UNC80: variants seen among roughly 807,000 people sequenced by gnomAD.
UNC80 encodes unc-80 subunit of NALCN channel complex, also known as protein unc-80 homolog.
A neutral mutation model predicts 384.6 loss-of-function variants in UNC80; 164 were observed. The ratio of observed to expected loss-of-function variants is 0.43; its 90% CI spans 0.38 to 0.49. The LOEUF (loss-of-function observed/expected upper bound fraction) is 0.49, where lower values mean the gene tolerates loss of function less well. Ranked by LOEUF, UNC80 falls within the 20% of genes least tolerant of loss-of-function variation. UNC80 has a pLI of 0.00. For missense variants in UNC80, 3,330 were observed against 4,143.0 expected (o/e 0.80, Z 5.39); for synonymous variants, 1,486 against 1,527.8 (o/e 0.97, Z 0.64).
intron 44 of UNC80, 148 bp downstream of exon 44, chr2:209,941,637 T>C: frequency 1.0e-6 from 1 of 995,876 alleles, no homozygotes; most frequent in East Asian, 2.8e-5. Flanking sequence ...AATCCCCCCA[T>C]AAATTTGCAA....
intron 7 of UNC80, among the ~76,000 whole-genome samples, chr2:209,797,857 T>TG (rs1440800326): frequency 6.6e-6 from 1 of 152,234 alleles, no homozygotes; most frequent in African/African-American, 2.4e-5. Flanking sequence ...CCATTCTGAC[T>TG]GGCATGAGAT....
chr2:209,844,323 A>G (rs1231021987), intron 21 of UNC80, among the ~76,000 whole-genome samples: 2 of 152,132 alleles, frequency 1.3e-5, no homozygotes, highest in African/African-American at 2.4e-5. Context: ...AAACTCAAAG[A>G]ATGTAGGGTC....
intron 13 of UNC80, among the ~76,000 whole-genome samples, chr2:209,824,825 C>T (rs776824451): frequency 1.3e-4 from 20 of 152,148 alleles, no homozygotes; most frequent in Non-Finnish European, 1.9e-4. Flanking sequence ...CCATACCATG[C>T]GCACATTTGA....
intron 7 of UNC80, among the ~76,000 whole-genome samples, chr2:209,802,993 A>C (rs1475593925): frequency 6.6e-6 from 1 of 152,166 alleles, no homozygotes; most frequent in Non-Finnish European, 1.5e-5. Flanking sequence ...AAGCTACCTC[A>C]AAATATGGTA....
intron 20 of UNC80, among the ~76,000 whole-genome samples, chr2:209,840,994 T>C (rs1161596432): frequency 6.6e-6 from 1 of 152,210 alleles, no homozygotes; most frequent in Non-Finnish European, 1.5e-5. Context: ...AATTTTACAG[T>C]GATCCCTTTT....
intron 51 of UNC80, among the ~76,000 whole-genome samples, chr2:209,963,852 T>A (rs2092669344): frequency 6.6e-6 from 1 of 152,234 alleles, no homozygotes; most frequent in Non-Finnish European, 1.5e-5. Flanking sequence ...ATTGGATTTA[T>A]GCTTTCAGAA....
intron 12 of UNC80, among the ~76,000 whole-genome samples, chr2:209,819,711 T>C (rs2080005712): frequency 6.6e-6 from 1 of 152,202 alleles, no homozygotes; most frequent in Non-Finnish European, 1.5e-5. Flanking sequence ...AGTATAGTTA[T>C]TAGCAAATGA....
intron 6 of UNC80, 126 bp from the exon 7 acceptor site, chr2:209,793,594 T>C: frequency 1.8e-6 from 2 of 1,096,274 alleles, no homozygotes; most frequent in Non-Finnish European, 2.5e-6. Flanking sequence ...CATAATTAAC[T>C]ATAGTGAAAA....
At chr2:209,891,904 C>A (rs1159292813) in intron 26 of UNC80, among the ~76,000 whole-genome samples, 1 of 152,054 alleles carries the variant, frequency 6.6e-6, no homozygotes, top group Non-Finnish European at 1.5e-5. Context: ...TTTTGTAAAA[C>A]CTTAAGATGC....
intron 22 of UNC80, among the ~76,000 whole-genome samples, chr2:209,861,668 C>CT (rs2083350813): frequency 6.6e-6 from 1 of 151,996 alleles, no homozygotes. Flanking sequence ...TGGTCCTGGG[C>CT]TTTTTTTGGT....
At chr2:209,893,681 A>G (rs1006164622) in intron 26 of UNC80, among the ~76,000 whole-genome samples, 5 of 152,164 alleles carry the variant, frequency 3.3e-5, no homozygotes, top group African/African-American at 1.2e-4. Flanking sequence ...TTTTCTGAGG[A>G]GCAGAGTGGA....
In UNC80 at chr2:209,888,238, T is replaced by C. The variant is rs1238295800; in HGVS notation, c.4254T>C (p.Asp1418=). 1.3e-6 allele frequency: 2 copies of C among 1,551,614 alleles called. No individual in the cohort carries two copies. Among genetic ancestry groups the C allele is most frequent in the Admixed American group, 2.0e-5 (1 of 50,988 alleles). ...LHSSSHTLKS[D]AGVEEKKVPS... ...GCAGCAGCCACACTCTCAAATCAGA[T>C]GCAGGAGTCGAGGAGAAGAAAGGTA... is the stretch of plus-strand genomic sequence containing the variant. Residue 1418 remains aspartate (D), a synonymous_variant, in exon 26 of 65, where the codon GAT becomes GAC. Transcript: ENST00000673920.
Position 209,813,769 on chromosome 2 carries a change from T to G in UNC80, c.1128T>G (p.Pro376=). 6.4e-7 allele frequency: 1 copy of G among 1,551,924 alleles called. No individual in the cohort carries two copies. Among genetic ancestry groups the G allele is most frequent in the Non-Finnish European group, 8.7e-7 (1 of 1,147,054 alleles). ...AAAAGCCTCCGGAGCCAGATATTCCTCTCCTGCCCAGACCCAGGAGTAGCT... is the reference window on the plus strand; with the variant it reads ...AAAAGCCTCCGGAGCCAGATATTCCGCTCCTGCCCAGACCCAGGAGTAGCT... ...KPEKPPEPDI[P]LLPRPRSSSM... Residue 376 remains proline (P), a synonymous_variant, in exon 8 of 65, where the codon CCT becomes CCG. Transcript: ENST00000673920.
At position 209,889,198 on chromosome 2, in the gene UNC80, A is replaced by G. The variant is rs549969324; in HGVS notation, c.4276+938A>G. 2.7e-4 allele frequency among the ~76,000 whole-genome samples: 41 copies of G among 152,346 alleles called. 1 individual carries two copies. In the South Asian group the frequency reaches 8.5e-3, roughly 32 times the overall value. On this transcript the variant is annotated intron_variant, in intron 26 of 64. Coordinates refer to ENST00000673920, the MANE Select transcript of UNC80 (RefSeq NM_001371986.1). ...AGACTACTTTATGAGTCTTCAAGTA[A>G]TATACTCAGCCTACAGGTTGCTTGT...
intron 47 of UNC80, among the ~76,000 whole-genome samples, chr2:209,948,383 C>T (rs368096579): frequency 2.6e-5 from 4 of 152,138 alleles, no homozygotes; most frequent in African/African-American, 9.7e-5. Context: ...GTTGTAGTGA[C>T]ATCCATTATC....
In UNC80 at chr2:209,995,555, T is replaced by TG. The variant is rs2093471616; in HGVS notation, c.9939dup (p.Lys3314GlufsTer8). On this transcript the variant is annotated frameshift_variant, in exon 65 of 65. Coordinates refer to ENST00000673920, the MANE Select transcript of UNC80 (RefSeq NM_001371986.1). LOFTEE classifies it high-confidence loss of function. Reference sequence around the variant, plus strand: ...CAGTTCACCTTTACTCCCACTGAGCTGGGGAAAACGGATGCAGTATTAGAT... The same window carrying TG: ...CAGTTCACCTTTACTCCCACTGAGCTGGGGGAAAACGGATGCAGTATTAGAT... The TG allele has an allele frequency of 1.3e-6, 2 of 1,551,978 alleles. No individual in the cohort carries two copies. The highest frequency in any genetic ancestry group is 3.9e-5 in the Admixed American group (2 of 50,986).
rs905097779 is a variant in UNC80, at chr2:209,888,175, C to A, written c.4191C>A (p.Val1397=). The part of the protein sequence containing the change: ...RYERKISFAG[V]LDENEDSKDS... ...AGAGGAAGATCAGCTTTGCTGGGGT[C>A]CTGGACGAAAATGAAGACTCAAAAG... The change falls in exon 26 of 65, where the codon GTC becomes GTA. Residue 1397 remains valine (V), a synonymous_variant. Coordinates refer to ENST00000673920, the MANE Select transcript of UNC80 (RefSeq NM_001371986.1). The A allele has an allele frequency of 1.9e-6, 3 of 1,551,620 alleles. No homozygotes were observed. The highest frequency in any genetic ancestry group is 2.6e-6 in the Non-Finnish European group (3 of 1,146,976).
intron 22 of UNC80, among the ~76,000 whole-genome samples, chr2:209,852,303 A>G (rs903156508): frequency 2.6e-5 from 4 of 152,124 alleles, no homozygotes; most frequent in African/African-American, 4.8e-5. Context: ...CAAGGGTTAA[A>G]GGAGCTCAGT....
At chr2:209,878,659 T>C (rs2084995932) in intron 24 of UNC80, among the ~76,000 whole-genome samples, 1 of 152,218 alleles carries the variant, frequency 6.6e-6, no homozygotes, top group Non-Finnish European at 1.5e-5. Flanking sequence ...AATTTCATCA[T>C]AGAAAAGTAG....
Sources: gnomAD v4.1 joint callset for allele counts (sites outside exome capture counted in the v4.1 genomes callset) on GRCh38, gnomAD v4.1.1 for gene constraint, MANE v1.5 for transcripts, NCBI Gene and HGNC (gene_info 2026-07-23, HGNC 2026-07-21) for gene names.